Variants in TRPC6 observed in about 807,000 individuals in gnomAD.
TRPC6 encodes transient receptor potential cation channel subfamily C member 6.
In TRPC6, 55 loss-of-function variants were observed where a neutral mutation model predicts 90.7. The observed-to-expected ratio is 0.61, with a 90% CI of 0.49 to 0.76. The LOEUF (loss-of-function observed/expected upper bound fraction) is 0.76. Among genes scored for constraint, TRPC6 ranks in the 30% least tolerant of loss-of-function variants. TRPC6 has a pLI of 0.00. For synonymous variants in TRPC6, 393 were observed against 393.0 expected (o/e 1.00, Z 0.00); for missense variants, 989 against 1,122.7 (o/e 0.88, Z 1.70).
intron 1 of TRPC6, among the ~76,000 whole-genome samples, chr11:101,565,032 T>C (rs187199586): frequency 5.9e-5 from 9 of 152,158 alleles, no homozygotes; most frequent in Middle Eastern, 3.4e-3. Context: ...AAGAATTAAA[T>C]TGGACCCTTC....
intron 1 of TRPC6, among the ~76,000 whole-genome samples, chr11:101,559,276 G>A (rs765826138): frequency 1.3e-5 from 2 of 152,150 alleles, no homozygotes; most frequent in African/African-American, 2.4e-5. Context: ...AATCTGTTGA[G>A]CTAGTCTATT....
chr11:101,535,334 T>C (rs926464902), intron 1 of TRPC6, among the ~76,000 whole-genome samples: 2 of 152,188 alleles, frequency 1.3e-5, no homozygotes, highest in Admixed American at 1.3e-4. Context: ...TAGCATGTTC[T>C]AGTTAACTTA....
At chr11:101,511,393 C>T (rs550826195) in intron 1 of TRPC6, among the ~76,000 whole-genome samples, 180 of 152,200 alleles carry the variant, frequency 1.2e-3, no homozygotes, top group Non-Finnish European at 3.7e-4. Context: ...CAGAGGGACA[C>T]ATTGTAAACT....
In TRPC6 at chr11:101,483,114, A is replaced by C. The variant is rs1358719801; in HGVS notation, c.1345T>G (p.Ser449Ala). ...PFMKFVAHAA[S>A]FTIFLGLLVM... ...AGCAGTCCCAGAAAAATGGTGAAGGAGGCTGCGTGTGCTACAAACTTCATG... is the reference window on the plus strand; with the variant it reads ...AGCAGTCCCAGAAAAATGGTGAAGGCGGCTGCGTGTGCTACAAACTTCATG... Residue 449 changes from serine (S) to alanine (A), a missense_variant, in exon 5 of 13, where the codon TCC becomes GCC. Physicochemically the swap from Ser to Ala is moderately conservative, Grantham distance 99. Coordinates refer to ENST00000344327, the MANE Select transcript of TRPC6 (RefSeq NM_004621.6). 6.2e-7 allele frequency: 1 copy of C among 1,614,058 alleles called. No homozygotes were observed. The highest frequency in any genetic ancestry group is 8.5e-7 in the Non-Finnish European group (1 of 1,179,966).
intron 1 of TRPC6, among the ~76,000 whole-genome samples, chr11:101,562,914 G>A (rs1055226667): frequency 8.5e-5 from 13 of 152,132 alleles, no homozygotes; most frequent in African/African-American, 2.9e-4. Context: ...CTGCCGTGAG[G>A]TATTAATGGA....
At chr11:101,478,032 C>T (rs893232561) in intron 5 of TRPC6, among the ~76,000 whole-genome samples, 3 of 152,268 alleles carry the variant, frequency 2.0e-5, no homozygotes, top group East Asian at 1.9e-4. Context: ...TTCACAGCCT[C>T]GAGTTGAAAA....
At chr11:101,572,288 T>A (rs574561323) in intron 1 of TRPC6, among the ~76,000 whole-genome samples, 18 of 151,852 alleles carry the variant, frequency 1.2e-4, no homozygotes, top group Admixed American at 2.6e-4. Flanking sequence ...TTAGAGAAAT[T>A]CAAATCAAAA....
intron 10 of TRPC6, among the ~76,000 whole-genome samples, chr11:101,467,023 C>T (rs1289877972): frequency 6.6e-6 from 1 of 152,206 alleles, no homozygotes; most frequent in East Asian, 1.9e-4. Context: ...AGCTCGCCTT[C>T]TGTGGCCTGC....
At chr11:101,566,958 C>G (rs1433247916) in intron 1 of TRPC6, among the ~76,000 whole-genome samples, 14 of 152,054 alleles carry the variant, frequency 9.2e-5, no homozygotes, top group Admixed American at 9.2e-4. Flanking sequence ...TTGGAGCAGA[C>G]ACCAAGCTAG....
chr11:101,458,944 A>G (rs1714391010), intron 10 of TRPC6, among the ~76,000 whole-genome samples: 1 of 152,226 alleles, frequency 6.6e-6, no homozygotes, highest in Admixed American at 6.5e-5. Context: ...TGGGTAGGAA[A>G]GAATGAACCA....
chr11:101,470,816 C>G (rs1405825956), intron 9 of TRPC6, among the ~76,000 whole-genome samples: 6 of 60,616 alleles, frequency 9.9e-5, no homozygotes, highest in Admixed American at 8.1e-4. Context: ...CGCCCCCCCC[C>G]CCTCCCCGAG....
intron 2 of TRPC6, among the ~76,000 whole-genome samples, chr11:101,494,465 A>G (rs1859897532): frequency 6.6e-6 from 1 of 152,212 alleles, no homozygotes; most frequent in Non-Finnish European, 1.5e-5. Flanking sequence ...ATCAAAGAGA[A>G]GATCTGGAAA....
chr11:101,516,471 C>G (rs762927546), intron 1 of TRPC6, among the ~76,000 whole-genome samples: 1 of 152,190 alleles, frequency 6.6e-6, no homozygotes, highest in South Asian at 2.1e-4. Flanking sequence ...TGAACCCCAA[C>G]GACCAACCAT....
intron 1 of TRPC6, among the ~76,000 whole-genome samples, chr11:101,546,777 C>A (rs184472383): frequency 2.0e-4 from 30 of 152,090 alleles, no homozygotes; most frequent in African/African-American, 5.3e-4. Context: ...AAAAAGATGT[C>A]TTTTACCAAA....
chr11:101,491,637 A>T lies in TRPC6; in HGVS notation c.1047T>A (p.Asp349Glu). 1 of 1,614,036 alleles carries T rather than the reference A, an allele frequency of 6.2e-7. No individual in the cohort carries two copies. Among genetic ancestry groups the T allele is most frequent in the African/African-American group, 1.3e-5 (1 of 74,996 alleles). ...TEEVEAILNG[D>E]VETLQSGDHG... ...GATCACCACTCTGGAGCGTTTCAAC[A>T]TCCCCATTCAGAATGGCCTCGACTT... The change falls in exon 3 of 13, where the codon GAT (aspartate) becomes GAA (glutamate). Residue 349 changes from aspartate to glutamate, a missense_variant. By Grantham distance (45) the Asp-to-Glu change is conservative. This residue lies in a region of TRPC6 where 486 missense variants were observed against 591.9 expected (regional missense o/e 0.82). Coordinates refer to ENST00000344327, the MANE Select transcript of TRPC6 (RefSeq NM_004621.6).
chr11:101,456,389 T>C (rs1311805519), intron 10 of TRPC6, among the ~76,000 whole-genome samples: 1 of 152,172 alleles, frequency 6.6e-6, no homozygotes, highest in Admixed American at 6.6e-5. Flanking sequence ...ATGGGAACCC[T>C]GGCTTTGAAA....
rs1565211433 is a variant in TRPC6 at position 101,482,964 on chromosome 11, T to A, written c.1495A>T (p.Ile499Leu). The A allele has an allele frequency of 6.2e-7, 1 of 1,613,960 alleles. No individual in the cohort carries two copies. Among genetic ancestry groups the A allele is most frequent in the Admixed American group, 1.7e-5 (1 of 60,012 alleles). Residue 499 changes from isoleucine to leucine, a missense_variant, in exon 5 of 13, where the codon ATA (isoleucine) becomes TTA (leucine). Transcript: ENST00000344327. ...CAGTCTTTACCTATTACCCAGGATA[T>A]AATGAGCATCTCCATCCATGAGAAG... ...SCFSWMEMLI[I>L]SWVIGMIWAE...
chr11:101,529,974 C>T (rs190807553), intron 1 of TRPC6, among the ~76,000 whole-genome samples: 1 of 152,300 alleles, frequency 6.6e-6, no homozygotes, highest in African/African-American at 2.4e-5. Flanking sequence ...TCACCTTGGT[C>T]CTGCCACCAG....
At chr11:101,500,644 C>T (rs1860095641) in intron 2 of TRPC6, among the ~76,000 whole-genome samples, 1 of 136,166 alleles carries the variant, frequency 7.3e-6, no homozygotes, top group Non-Finnish European at 1.6e-5. Flanking sequence ...GAAACAAATT[C>T]TAAAATTTCA....
Sources: allele counts gnomAD v4.1 joint callset (sites outside exome capture counted in the v4.1 genomes callset), GRCh38; gene constraint gnomAD v4.1.1; regional missense constraint gnomAD v4.1.1; transcripts MANE v1.5; gene names NCBI Gene and HGNC (gene_info 2026-07-23, HGNC 2026-07-21).